The following PAQR5 variants were observed in gnomAD, a reference collection of about 807,000 sequenced individuals.
The protein encoded by PAQR5 is progestin and adipoQ receptor family member 5.
Under a neutral mutation model 34.5 loss-of-function variants are expected in PAQR5, and 20 were observed. The observed-to-expected ratio is 0.58, with a 90% CI of 0.41 to 0.84. The LOEUF (loss-of-function observed/expected upper bound fraction) is 0.84, where lower values mean the gene tolerates loss of function less well. Ranked by LOEUF, PAQR5 falls within the 40% of genes least tolerant of loss-of-function variation. The probability of loss-of-function intolerance (pLI) is 0.00; values close to 1 mark genes in which losing one functional copy is unlikely to be tolerated. For missense variants in PAQR5, 378 were observed against 412.7 expected (o/e 0.92, Z 0.73); for synonymous variants, 131 against 155.6 (o/e 0.84, Z 1.18).
rs937633033 is a variant in PAQR5, at chr15:69,333,249, G to C, written c.-276-4092G>C. On this transcript the variant is annotated intron_variant, in intron 1 of 8. Transcript: ENST00000395407. ...CCACGAACCCCGTTTTGGAAAAAAG[G>C]CTCTGTTTTCCTCATGAAACCCCAG... Among the ~76,000 whole-genome samples, 3 of 152,140 alleles carry C rather than the reference G, an allele frequency of 2.0e-5. No individual in the cohort carries two copies. The East Asian group carries it at 5.8e-4, about 29-fold the overall frequency.
Position 69,407,659 on chromosome 15 carries a change from A to G in PAQR5, c.*3837A>G, listed in dbSNP as rs2140292048. 6.6e-6 allele frequency: 1 copy of G among 152,334 alleles called. No individual in the cohort carries two copies. Among genetic ancestry groups the G allele is most frequent in the African/African-American group, 2.4e-5 (1 of 41,574 alleles). The allele number at this position is 152,334 out of a possible 1,614,324, so 9.4% of individuals were successfully genotyped here. ...TTATCATAAAGTCATCCTGTTTGCC[A>G]CTTAATTTGGTTATGTTTTATCTAC... is the stretch of plus-strand genomic sequence containing the variant. On this transcript the variant is annotated 3_prime_UTR_variant, in exon 9 of 9. Coordinates refer to ENST00000395407, the MANE Select transcript of PAQR5 (RefSeq NM_017705.4).
At position 69,322,973 on chromosome 15, in the gene PAQR5, G is replaced by T. The variant is rs561171693; in HGVS notation, c.-276-14368G>T. On this transcript the variant is annotated intron_variant, in intron 1 of 8. Transcript: ENST00000395407. ...CACTAAGGACCGAGATGACAGGAGG[G>T]CAGGCATATGGCAAGGCTGGTGGGA... Among the ~76,000 whole-genome samples the T allele has an allele frequency of 1.3e-4, 19 of 145,806 alleles. 1 individual carries two copies. In the South Asian group the frequency reaches 2.8e-3, roughly 22 times the overall value.
intron 6 of PAQR5, among the ~76,000 whole-genome samples, chr15:69,395,389 C>T (rs1317764591): frequency 6.6e-6 from 1 of 152,244 alleles, no homozygotes; most frequent in Admixed American, 6.5e-5. Flanking sequence ...CATCTGACTT[C>T]AGGCAAATCA....
chr15:69,343,596 T>C (rs1025256113), intron 2 of PAQR5, among the ~76,000 whole-genome samples: 1 of 152,236 alleles, frequency 6.6e-6, no homozygotes, highest in African/African-American at 2.4e-5. Flanking sequence ...CAATTGCTTA[T>C]TCACAATAAC....
At chr15:69,316,344 G>T (rs769953532) in intron 1 of PAQR5, among the ~76,000 whole-genome samples, 1 of 152,096 alleles carries the variant, frequency 6.6e-6, no homozygotes, top group Non-Finnish European at 1.5e-5. Context: ...GCCTCCCAAG[G>T]TTCTGGGATT....
intron 2 of PAQR5, among the ~76,000 whole-genome samples, chr15:69,359,554 C>G (rs2055177994): frequency 6.6e-6 from 1 of 152,060 alleles, no homozygotes; most frequent in Admixed American, 6.5e-5. Flanking sequence ...GGGAACAAAA[C>G]AGGATATGGA....
intron 1 of PAQR5, among the ~76,000 whole-genome samples, chr15:69,303,908 CA>C (rs1265321816): frequency 6.6e-6 from 1 of 152,220 alleles, no homozygotes; most frequent in African/African-American, 2.4e-5. Context: ...CTGTTGACCC[CA>C]AACATCTTTT....
In PAQR5 at chr15:69,385,272, T is replaced by A. The variant is rs1165107587; in HGVS notation, c.385+390T>A. 6.6e-6 allele frequency among the ~76,000 whole-genome samples: 1 copy of A among 152,176 alleles called. No homozygotes were observed. Among genetic ancestry groups the A allele is most frequent in the East Asian group, 1.9e-4 (1 of 5,198 alleles). The stretch of plus-strand genomic sequence containing the variant: ...ATGTAGTCATTGAGTACTCAGTACT[T>A]TTGTTAATATGATTTATTTAATTGC... On this transcript the variant is annotated intron_variant, in intron 5 of 8. Transcript: ENST00000395407. The surrounding 1 kb of genome is among the most constrained non-coding windows in gnomAD (Gnocchi z 4.7).
chr15:69,328,628 C>T (rs1244774492), intron 1 of PAQR5, among the ~76,000 whole-genome samples: 14 of 151,958 alleles, frequency 9.2e-5, no homozygotes, highest in African/African-American at 1.7e-4. Context: ...GGGAGTTGCT[C>T]GGGATGGGGG....
chr15:69,330,455 G>A (rs1489368964), intron 1 of PAQR5, among the ~76,000 whole-genome samples: 1 of 152,158 alleles, frequency 6.6e-6, no homozygotes, highest in African/African-American at 2.4e-5. Context: ...TCATGCAGTT[G>A]GAGGCCACAA....
chr15:69,369,865 C>T (rs2055508132), intron 3 of PAQR5, among the ~76,000 whole-genome samples: 1 of 151,922 alleles, frequency 6.6e-6, no homozygotes, highest in African/African-American at 2.4e-5. Flanking sequence ...TATTAGATTC[C>T]CTGCCTTTGG....
intron 5 of PAQR5, among the ~76,000 whole-genome samples, chr15:69,386,605 C>T (rs1266724678): frequency 7.1e-6 from 1 of 141,328 alleles, no homozygotes; most frequent in South Asian, 2.7e-4. Flanking sequence ...CCCTCCGGAT[C>T]CCCTCTTACC....
intron 6 of PAQR5, chr15:69,391,853 T>C: frequency 2.6e-6 from 1 of 380,246 alleles, no homozygotes; most frequent in South Asian, 1.9e-5. Context: ...GGTCAGGAGT[T>C]CAAGACCAGC....
chr15:69,351,241 G>C (rs2089166), intron 2 of PAQR5, among the ~76,000 whole-genome samples: 2 of 152,206 alleles, frequency 1.3e-5, no homozygotes, highest in Admixed American at 1.3e-4. Context: ...GATTAGTGCT[G>C]CTATCAAGGA....
At chr15:69,370,748 T>C (rs2055538836) in intron 3 of PAQR5, among the ~76,000 whole-genome samples, 1 of 152,208 alleles carries the variant, frequency 6.6e-6, no homozygotes, top group Admixed American at 6.5e-5. Context: ...CTCAATCTCC[T>C]GACCTCAGGT....
chr15:69,323,056 G>A (rs1260058690), intron 1 of PAQR5, among the ~76,000 whole-genome samples: 3 of 139,608 alleles, frequency 2.1e-5, no homozygotes, highest in Non-Finnish European at 4.5e-5. Flanking sequence ...GGGTTTTCCA[G>A]GACCTACTGC....
rs573884808 is a variant in PAQR5 at position 69,380,214 on chromosome 15, G to T, written c.179+204G>T. The T allele has an allele frequency of 2.4e-5, 13 of 550,210 alleles. No homozygotes were observed. The South Asian group carries it at 3.2e-4, about 14-fold the overall frequency. The allele number at this position is 550,210 out of a possible 1,614,324, so 34.1% of individuals were successfully genotyped here. A position where few individuals can be genotyped will look rare whatever the true frequency, so the allele number is the denominator to read the frequency against. ...TGGGATGACCTTTAAGGCATGGACTGGGGTAAGATTTGAGGGGAAATCCCA... is the reference window on the plus strand; with the variant it reads ...TGGGATGACCTTTAAGGCATGGACTTGGGTAAGATTTGAGGGGAAATCCCA... On this transcript the variant is annotated intron_variant, in intron 4 of 8. Coordinates refer to ENST00000395407, the MANE Select transcript of PAQR5 (RefSeq NM_017705.4).
chr15:69,300,702 C>CTCTCTT (rs1394930613), intron 1 of PAQR5, among the ~76,000 whole-genome samples: 509 of 6,518 alleles, frequency 0.078, 156 homozygotes, highest in African/African-American at 0.13. Context: ...CTCTCTCTCT[C>CTCTCTT]TCTTTCTTTC....
intron 1 of PAQR5, among the ~76,000 whole-genome samples, chr15:69,330,138 A>T (rs2054346336): frequency 6.6e-6 from 1 of 152,162 alleles, no homozygotes; most frequent in South Asian, 2.1e-4. Flanking sequence ...TCTTCATAGA[A>T]CATTCTCCAA....
Sources: gnomAD v4.1 joint callset for allele counts (sites outside exome capture counted in the v4.1 genomes callset) on GRCh38, gnomAD v4.1.1 for gene constraint, Gnocchi (gnomAD v3.1) non-coding constraint, MANE v1.5 for transcripts, NCBI Gene and HGNC (gene_info 2026-07-23, HGNC 2026-07-21) for gene names.